Variants in SLC7A2 observed in about 807,000 individuals in gnomAD.
SLC7A2 encodes the protein cationic amino acid transporter 2.
In SLC7A2, 48 loss-of-function variants were observed where a neutral mutation model predicts 58.9. That is an observed-to-expected ratio of 0.82 (90% CI 0.65 to 1.04). The LOEUF (loss-of-function observed/expected upper bound fraction) is 1.04, where lower values mean the gene tolerates loss of function less well. Ranked by LOEUF, SLC7A2 falls within the 50% of genes least tolerant of loss-of-function variation. SLC7A2 has a pLI of 0.00. For missense variants in SLC7A2, 1,029 were observed against 818.8 expected, an observed-to-expected ratio of 1.26 and a Z score of -3.13; for synonymous variants, 363 against 314.5, an observed-to-expected ratio of 1.15 and a Z score of -1.63.
chr8:17,515,052 G>T lies in SLC7A2; in HGVS notation c.-23+12750G>T, dbSNP rs1035875827. On this transcript the variant is annotated intron_variant, in intron 2 of 12. Coordinates refer to ENST00000494857, the MANE Select transcript of SLC7A2 (RefSeq NM_001370338.1). The stretch of plus-strand genomic sequence containing the variant: ...GCTGAATTAAATATTCCATGCAAGG[G>T]TACCAGGAAAAGGGGAGGGACTTTA... Among the ~76,000 whole-genome samples the T allele has an allele frequency of 1.1e-4, 16 of 152,278 alleles. No individual in the cohort carries two copies. The South Asian group carries it at 1.5e-3, about 14-fold the overall frequency.
intron 2 of SLC7A2, 44 bp from the exon 3 acceptor site, chr8:17,543,274 A>T: frequency 1.3e-6 from 2 of 1,538,642 alleles, no homozygotes; most frequent in Non-Finnish European, 8.8e-7. Flanking sequence ...AAAGGGAGGG[A>T]TGACAATTCC....
At chr8:17,555,612 G>T (rs1235159648) in intron 8 of SLC7A2, among the ~76,000 whole-genome samples, 2 of 151,806 alleles carry the variant, frequency 1.3e-5, no homozygotes, top group South Asian at 2.1e-4. Context: ...GCCATCCTCA[G>T]TATGGTGGGC....
At chr8:17,518,482 G>T (rs949469817) in intron 2 of SLC7A2, among the ~76,000 whole-genome samples, 7 of 152,162 alleles carry the variant, frequency 4.6e-5, no homozygotes, top group African/African-American at 1.4e-4. Context: ...GGATGTGGCA[G>T]TTAACACTTT....
At chr8:17,524,361 C>G (rs1425614969) in intron 2 of SLC7A2, among the ~76,000 whole-genome samples, 1 of 151,448 alleles carries the variant, frequency 6.6e-6, no homozygotes, top group African/African-American at 2.4e-5. Context: ...GCTCAAAAAT[C>G]CCATCAATCA....
At chr8:17,538,130 A>G (rs1801751663) in intron 2 of SLC7A2, among the ~76,000 whole-genome samples, 1 of 152,216 alleles carries the variant, frequency 6.6e-6, no homozygotes, top group African/African-American at 2.4e-5. Context: ...TGGATTCTAT[A>G]TCAGAAAATT....
intron 2 of SLC7A2, among the ~76,000 whole-genome samples, chr8:17,504,036 A>G (rs1003811088): frequency 6.6e-6 from 1 of 152,304 alleles, no homozygotes; most frequent in East Asian, 1.9e-4. Context: ...GTGAAGTCAC[A>G]TTGGCTGTGA....
intron 10 of SLC7A2, among the ~76,000 whole-genome samples, chr8:17,561,679 G>C (rs980094535): frequency 1.3e-5 from 2 of 152,200 alleles, no homozygotes; most frequent in Non-Finnish European, 2.9e-5. Flanking sequence ...CACGTGGGCA[G>C]ATAATGCCAG....
chr8:17,502,703 C>G (rs1359570437), intron 2 of SLC7A2, among the ~76,000 whole-genome samples: 1 of 152,082 alleles, frequency 6.6e-6, no homozygotes, highest in African/African-American at 2.4e-5. Context: ...TTAGTCTACT[C>G]AGGCAGATTA....
intron 1 of SLC7A2, among the ~76,000 whole-genome samples, chr8:17,501,588 A>C (rs1320378402): frequency 5.9e-5 from 9 of 152,078 alleles, no homozygotes; most frequent in Admixed American, 5.9e-4. Context: ...TGTTGTGGAA[A>C]ATCTTGAAAT....
At chr8:17,530,384 G>A (rs535540269) in intron 2 of SLC7A2, among the ~76,000 whole-genome samples, 4 of 152,204 alleles carry the variant, frequency 2.6e-5, no homozygotes, top group African/African-American at 9.6e-5. Context: ...ACCTTTATGT[G>A]AGCCAGAAGA....
chr8:17,512,185 G>A (rs1002314255), intron 2 of SLC7A2, among the ~76,000 whole-genome samples: 1 of 152,028 alleles, frequency 6.6e-6, no homozygotes, highest in Non-Finnish European at 1.5e-5. Flanking sequence ...CTCTCTATGT[G>A]GAGTAGAGTA....
chr8:17,550,924 T>C (rs1245555905), intron 6 of SLC7A2, among the ~76,000 whole-genome samples: 2 of 152,200 alleles, frequency 1.3e-5, no homozygotes, highest in Admixed American at 1.3e-4. Flanking sequence ...TTTTACGTCA[T>C]AGTGTGGCCA....
intron 4 of SLC7A2, among the ~76,000 whole-genome samples, chr8:17,547,765 T>C (rs1802242384): frequency 6.7e-6 from 1 of 148,366 alleles, no homozygotes; most frequent in East Asian, 2.0e-4. Flanking sequence ...AATGAGATTA[T>C]ATATTTACTG....
At chr8:17,494,783 G>A (rs1416807892), upstream of SLC7A2, among the ~76,000 whole-genome samples, 1 of 152,208 alleles carries the variant, frequency 6.6e-6, no homozygotes, top group East Asian at 1.9e-4. Flanking sequence ...ACACGAAATG[G>A]AATATGTTAA....
At chr8:17,546,806 C>G (rs1288189579) in intron 4 of SLC7A2, among the ~76,000 whole-genome samples, 1 of 152,136 alleles carries the variant, frequency 6.6e-6, no homozygotes, top group Non-Finnish European at 1.5e-5. Context: ...GTGGCATCAT[C>G]TTTTCACAGC....
chr8:17,565,212 G>C lies in SLC7A2; in HGVS notation c.*66G>C. The C allele has an allele frequency of 7.8e-7, 1 of 1,276,708 alleles. No homozygotes were observed. The highest frequency in any genetic ancestry group is 1.1e-6 in the Non-Finnish European group (1 of 917,560). 79.1% of individuals were successfully genotyped at this position (1,276,708 alleles called of 1,614,324 possible). A position where few individuals can be genotyped will look rare whatever the true frequency, so the allele number is the denominator to read the frequency against. ...ATCCTACACTGAGTAAACCGTAACGGGATGTCATCAGCATGCTGGGTTGTC... is the reference window on the plus strand; with the variant it reads ...ATCCTACACTGAGTAAACCGTAACGCGATGTCATCAGCATGCTGGGTTGTC... On this transcript the variant is annotated 3_prime_UTR_variant, in exon 13 of 13. Coordinates refer to ENST00000494857, the MANE Select transcript of SLC7A2 (RefSeq NM_001370338.1).
intron 7 of SLC7A2, among the ~76,000 whole-genome samples, chr8:17,552,984 T>C (rs1332970706): frequency 6.6e-6 from 1 of 152,222 alleles, no homozygotes; most frequent in Non-Finnish European, 1.5e-5. Context: ...AAACTCCCTT[T>C]TATTTTCTAG....
chr8:17,512,132 A>G (rs1800627092), intron 2 of SLC7A2, among the ~76,000 whole-genome samples: 1 of 152,204 alleles, frequency 6.6e-6, no homozygotes, highest in African/African-American at 2.4e-5. Context: ...GTGAGCTCTT[A>G]GAACGTATAT....
intron 2 of SLC7A2, among the ~76,000 whole-genome samples, chr8:17,515,215 T>C (rs28483692): frequency 0.51 from 76,929 of 152,086 alleles, 21,305 homozygotes; most frequent in Non-Finnish European, 0.62. Context: ...TCCAAAGTCA[T>C]CAATAATGAG....
Sources: allele counts gnomAD v4.1 joint callset (sites outside exome capture counted in the v4.1 genomes callset), GRCh38; gene constraint gnomAD v4.1.1; transcripts MANE v1.5; gene names NCBI Gene and HGNC (gene_info 2026-07-23, HGNC 2026-07-21).